The following EPB41 variants were observed in gnomAD, a reference collection of about 807,000 sequenced individuals.
The protein encoded by EPB41 is protein 4.1.
In EPB41, 65 loss-of-function variants were observed where a neutral mutation model predicts 108.0. The observed-to-expected ratio is 0.60, with a 90% CI of 0.49 to 0.74. The LOEUF is 0.74. Among genes scored for constraint, EPB41 ranks in the 30% least tolerant of loss-of-function variants. EPB41 has a pLI of 0.00. For synonymous variants in EPB41, 336 were observed against 358.9 expected, an observed-to-expected ratio of 0.94 and a Z score of 0.72; for missense variants, 875 against 1,037.0, an observed-to-expected ratio of 0.84 and a Z score of 2.15.
At chr1:28,902,786 C>T (rs1016827392) in intron 1 of EPB41, among the ~76,000 whole-genome samples, 5 of 152,160 alleles carry the variant, frequency 3.3e-5, no homozygotes, top group African/African-American at 1.2e-4. Flanking sequence ...ACTCAGGAGC[C>T]TGAGCTTAAG....
chr1:29,051,512 T>C (rs994561123), intron 11 of EPB41, among the ~76,000 whole-genome samples: 1 of 152,198 alleles, frequency 6.6e-6, no homozygotes, highest in Non-Finnish European at 1.5e-5. Context: ...ATCTAAAAAT[T>C]TCAGGATGAA....
intron 6 of EPB41, among the ~76,000 whole-genome samples, chr1:29,017,778 CT>C (rs1388805449): frequency 6.6e-6 from 1 of 152,164 alleles, no homozygotes; most frequent in Non-Finnish European, 1.5e-5. Context: ...GCACGCTAAG[CT>C]TCTGAGCTGC....
chr1:28,987,815 C>A lies in EPB41; in HGVS notation c.378C>A (p.Ile126=). The change falls in exon 2 of 21, where the codon ATC becomes ATA. Residue 126 remains isoleucine (I), a synonymous_variant. Transcript: ENST00000343067. ...IEFGTSLDEE[I]ILKAPIAAPE... is the part of the protein sequence containing the mutation. ...TTGGAACCAGTCTTGATGAAGAGAT[C>A]ATTTTAAAGGCCCCAATTGCAGCTC... 1.9e-6 allele frequency: 3 copies of A among 1,614,158 alleles called. No individual in the cohort carries two copies. The highest frequency in any genetic ancestry group is 2.5e-6 in the Non-Finnish European group (3 of 1,180,034).
chr1:29,007,731 T>C (rs1391832913), intron 4 of EPB41, among the ~76,000 whole-genome samples: 1 of 152,214 alleles, frequency 6.6e-6, no homozygotes, highest in Non-Finnish European at 1.5e-5. Context: ...TTCCTGTCTT[T>C]CTCTCACCAC....
intron 1 of EPB41, among the ~76,000 whole-genome samples, chr1:28,970,449 T>C (rs2095469027): frequency 6.6e-6 from 1 of 152,216 alleles, no homozygotes; most frequent in South Asian, 2.1e-4. Flanking sequence ...AGTTCCATAC[T>C]CTTAACTAAA....
chr1:28,945,787 A>G (rs1487506744), intron 1 of EPB41, among the ~76,000 whole-genome samples: 1 of 152,224 alleles, frequency 6.6e-6, no homozygotes, highest in East Asian at 1.9e-4. Flanking sequence ...TGGCAACAAA[A>G]CTAGAAAATA....
rs141424698 is a variant in EPB41 at position 28,955,403 on chromosome 1, G to A, written c.-7-32028G>A. Among the ~76,000 whole-genome samples the A allele has an allele frequency of 8.6e-3, 1,303 of 151,812 alleles. 3 individuals carry two copies. Among genetic ancestry groups the A allele is most frequent in the Non-Finnish European group, 0.012 (839 of 67,958 alleles). On this transcript the variant is annotated intron_variant, in intron 1 of 20. Transcript: ENST00000343067. ...TGTCGCCAGGCTGGAGGGCAGTGGCGTGATCTCCACTCGCTGCAACCTCTG... is the reference window on the plus strand; with the variant it reads ...TGTCGCCAGGCTGGAGGGCAGTGGCATGATCTCCACTCGCTGCAACCTCTG...
At chr1:28,990,917 A>G (rs2096003764) in intron 2 of EPB41, among the ~76,000 whole-genome samples, 1 of 152,180 alleles carries the variant, frequency 6.6e-6, no homozygotes, top group Non-Finnish European at 1.5e-5. Flanking sequence ...TCCGAATTGA[A>G]ATAAATTGTC....
In EPB41 at chr1:28,908,623, G is replaced by C. The variant is rs572344596; in HGVS notation, c.-8+21413G>C. Among the ~76,000 whole-genome samples the C allele has an allele frequency of 1.1e-4, 17 of 149,162 alleles. No individual in the cohort carries two copies. In the East Asian group the frequency reaches 3.6e-3, roughly 32 times the overall value. On this transcript the variant is annotated intron_variant, in intron 1 of 16. Coordinates refer to the EPB41 transcript ENST00000347529. The stretch of plus-strand genomic sequence containing the variant: ...ATTTTCATATTTTTAGTAGAGACAG[G>C]GTTTCACCATGTTGGTCAGGCTGGT...
rs774352519 is a variant in EPB41 at position 28,987,572 on chromosome 1, A to G, written c.135A>G (p.Gly45=). 6.2e-7 allele frequency: 1 copy of G among 1,614,048 alleles called. No individual in the cohort carries two copies. The highest frequency in any genetic ancestry group is 1.3e-5 in the African/African-American group (1 of 74,914). The change falls in exon 2 of 21, where the codon GGA becomes GGG. Residue 45 remains glycine, a synonymous_variant. Coordinates refer to ENST00000343067, the MANE Select transcript of EPB41 (RefSeq NM_001376013.1). ...AATCTTGTCAAACAGCAGCTGAAGG[A>G]GATAATTGGTGTGAACAGAAGCTGA... ...QEESCQTAAE[G]DNWCEQKLKA... is the part of the protein sequence containing the mutation.
At chr1:29,038,163 A>G (rs888833248) in intron 10 of EPB41, among the ~76,000 whole-genome samples, 4 of 152,248 alleles carry the variant, frequency 2.6e-5, no homozygotes, top group African/African-American at 9.6e-5. Flanking sequence ...AAGGAAATTA[A>G]TATTTCAATT....
chr1:29,086,827 C>T (rs530048810), intron 16 of EPB41, among the ~76,000 whole-genome samples: 4 of 151,618 alleles, frequency 2.6e-5, no homozygotes, highest in East Asian at 1.9e-4. Context: ...AAAATTACTA[C>T]ACAGGTACTC....
At chr1:29,110,539 T>C (rs768698711) in intron 18 of EPB41, among the ~76,000 whole-genome samples, 1 of 152,192 alleles carries the variant, frequency 6.6e-6, no homozygotes. Context: ...ATGTAGTTTA[T>C]AGGAAGCAAG....
intron 1 of EPB41, among the ~76,000 whole-genome samples, chr1:28,971,477 G>A (rs1250279615): frequency 6.6e-6 from 1 of 152,120 alleles, no homozygotes. Context: ...GAGCCACCGC[G>A]CCCGGTTGCA....
At chr1:29,086,359 C>T (rs781317900) in intron 16 of EPB41, among the ~76,000 whole-genome samples, 11 of 151,258 alleles carry the variant, frequency 7.3e-5, no homozygotes, top group Non-Finnish European at 1.5e-4. Flanking sequence ...CTGCAACCTC[C>T]GTCTCCCAGG....
At chr1:29,042,652 T>C (rs1641948911) in intron 11 of EPB41, among the ~76,000 whole-genome samples, 1 of 152,044 alleles carries the variant, frequency 6.6e-6, no homozygotes, top group Admixed American at 6.6e-5. Flanking sequence ...CTAATTTTTG[T>C]ATTTTTAGTG....
upstream of EPB41, chr1:28,910,984 A>G (rs2148003297): frequency 1.0e-6 from 1 of 985,304 alleles, no homozygotes; most frequent in South Asian, 4.7e-5. Context: ...CTGCCTTGGA[A>G]ATTAGCCTCA....
chr1:29,007,959 T>G (rs2096435530), intron 4 of EPB41, among the ~76,000 whole-genome samples: 1 of 152,240 alleles, frequency 6.6e-6, no homozygotes, highest in Non-Finnish European at 1.5e-5. Context: ...CAGACCTGCT[T>G]ATACAGCTTT....
rs775275607 is a variant in EPB41, at chr1:29,033,222, T to G, written c.1342T>G (p.Phe448Val). Reference sequence around the variant, plus strand: ...GATTTCTTATAAACGTAGTAGCTTTTTCATCAAGATTCGGCCTGGAGAGGT... The same window carrying G: ...GATTTCTTATAAACGTAGTAGCTTTGTCATCAAGATTCGGCCTGGAGAGGT... ...LKISYKRSSF[F>V]IKIRPGEQEQ... The change falls in exon 9 of 21, where the codon TTC becomes GTC. Residue 448 changes from phenylalanine (F) to valine (V), a missense_variant. Phe to Val is a conservative substitution (Grantham distance 50). Coordinates refer to ENST00000343067, the MANE Select transcript of EPB41 (RefSeq NM_001376013.1). The G allele has an allele frequency of 1.4e-5, 22 of 1,613,992 alleles. No homozygotes were observed. Among genetic ancestry groups the G allele is most frequent in the Non-Finnish European group, 1.9e-5 (22 of 1,179,914 alleles).
Sources: allele counts gnomAD v4.1 joint callset (sites outside exome capture counted in the v4.1 genomes callset), GRCh38; gene constraint gnomAD v4.1.1; transcripts MANE v1.5; gene names NCBI Gene and HGNC (gene_info 2026-07-23, HGNC 2026-07-21).